COL11A1: variants seen among roughly 807,000 people sequenced by gnomAD.
The protein encoded by COL11A1 is collagen alpha-1(XI) chain.
In COL11A1, 74 loss-of-function variants were observed where a neutral mutation model predicts 265.2. The observed-to-expected ratio is 0.28, with a 90% CI of 0.23 to 0.34. The LOEUF is 0.34. Ranked by LOEUF, COL11A1 falls within the 10% of genes least tolerant of loss-of-function variation. COL11A1 has a pLI of 1.00. For missense variants in COL11A1, 2,165 were observed against 2,263.6 expected (o/e 0.96, Z 0.88); for synonymous variants, 816 against 727.6 (o/e 1.12, Z -1.96).
intron 42 of COL11A1, among the ~76,000 whole-genome samples, chr1:102,945,916 T>G (rs1298414760): frequency 6.6e-6 from 1 of 150,618 alleles, no homozygotes; most frequent in Non-Finnish European, 1.5e-5. Context: ...AGCAAAGACT[T>G]GGAACCAACC....
At chr1:103,000,813 G>C (rs1163446477) in intron 24 of COL11A1, among the ~76,000 whole-genome samples, 1 of 151,944 alleles carries the variant, frequency 6.6e-6, no homozygotes, top group Admixed American at 6.6e-5. Flanking sequence ...ATTCACTACA[G>C]CACCGGTATG....
At chr1:103,023,430 TC>T (rs1206778492) in intron 7 of COL11A1, among the ~76,000 whole-genome samples, 25 of 151,630 alleles carry the variant, frequency 1.6e-4, no homozygotes, top group African/African-American at 5.3e-4. Context: ...CAATCTTGGT[TC>T]ACAGCAACCT....
chr1:102,995,773 C>T, intron 28 of COL11A1, 91 bp downstream of exon 28: 1 of 1,056,218 alleles, frequency 9.5e-7, no homozygotes, highest in Admixed American at 1.7e-5. Flanking sequence ...AGTAATCACT[C>T]ATATATTCAA....
chr1:102,938,420 C>T (rs1031702252), intron 44 of COL11A1, among the ~76,000 whole-genome samples: 1 of 151,862 alleles, frequency 6.6e-6, no homozygotes, highest in Non-Finnish European at 1.5e-5. Context: ...AAAATAATGT[C>T]CACAGATATT....
intron 24 of COL11A1, 50 bp from the exon 25 acceptor site, chr1:102,998,413 C>T (rs1664829740): frequency 1.5e-6 from 2 of 1,369,580 alleles, no homozygotes; most frequent in South Asian, 1.4e-5. Flanking sequence ...TTTTAAAAAG[C>T]TTTAACGTGT....
intron 4 of COL11A1, among the ~76,000 whole-genome samples, chr1:103,039,398 C>T (rs140073942): frequency 3.3e-5 from 5 of 152,264 alleles, no homozygotes; most frequent in East Asian, 1.9e-4. Flanking sequence ...TTCCCAATAC[C>T]TCACATTGTG....
chr1:102,988,800 A>G (rs1375614274), intron 29 of COL11A1, among the ~76,000 whole-genome samples: 1 of 152,164 alleles, frequency 6.6e-6, no homozygotes, highest in Non-Finnish European at 1.5e-5. Flanking sequence ...TGTTTGGAAC[A>G]CAAGAAAAAT....
Position 103,007,611 on chromosome 1 carries a change from A to G in COL11A1, c.1683+852T>C, listed in dbSNP as rs557272777. Among the ~76,000 whole-genome samples, 10 of 152,258 alleles carry G rather than the reference A, an allele frequency of 6.6e-5. No individual in the cohort carries two copies. The South Asian group carries it at 1.9e-3, about 28-fold the overall frequency. On this transcript the variant is annotated intron_variant, in intron 15 of 66. Coordinates refer to ENST00000370096, the MANE Select transcript of COL11A1 (RefSeq NM_001854.4). ...GGTGAATCATTCCTATAATCCTAGC[A>G]CTTTCGGAGGCCCAGGAGGGCAGAT...
intron 1 of COL11A1, among the ~76,000 whole-genome samples, chr1:103,100,947 G>T (rs1674215468): frequency 6.6e-6 from 1 of 151,980 alleles, no homozygotes; most frequent in Non-Finnish European, 1.5e-5. Context: ...AAGTGCATAT[G>T]ACAGAACCTT....
At position 102,906,549 on chromosome 1, in the gene COL11A1, A is replaced by C. The variant is rs146493060; in HGVS notation, c.4086+5610T>G. On this transcript the variant is annotated intron_variant, in intron 54 of 66. Transcript: ENST00000370096. Reference sequence around the variant, plus strand: ...CAGCCTCCCAAGTAGCTGGGACTACAGGCATGTGCCACCACACCTGGGTAA... The same window carrying C: ...CAGCCTCCCAAGTAGCTGGGACTACCGGCATGTGCCACCACACCTGGGTAA... Among the ~76,000 whole-genome samples the C allele has an allele frequency of 4.4e-3, 666 of 152,200 alleles. 28 individuals are homozygous for C. The East Asian group carries it at 0.095, about 22-fold the overall frequency.
At chr1:102,938,903 G>A in intron 44 of COL11A1, 132 bp downstream of exon 44, 1 of 745,704 alleles carries the variant, frequency 1.3e-6, no homozygotes, top group Non-Finnish European at 2.4e-6. Context: ...TGATATAACT[G>A]CAGAGGTAAT....
chr1:102,961,798 A>G lies in COL11A1; in HGVS notation c.3168+68T>C, dbSNP rs968690823. ...CCACACACTGTGGAATCACAGCATG[A>G]GAGTAATGAAAGAAGAGCTGTAATT... On this transcript the variant is annotated intron_variant, in intron 41 of 66. Coordinates refer to ENST00000370096, the MANE Select transcript of COL11A1 (RefSeq NM_001854.4). 9 of 1,371,992 alleles carry G rather than the reference A, an allele frequency of 6.6e-6. No individual in the cohort carries two copies. The Admixed American group carries it at 1.4e-4, about 21-fold the overall frequency. 85.0% of individuals were successfully genotyped at this position (1,371,992 alleles called of 1,614,324 possible).
chr1:103,063,379 TGG>T (rs761415193), intron 4 of COL11A1, among the ~76,000 whole-genome samples: 2 of 152,062 alleles, frequency 1.3e-5, no homozygotes, highest in Non-Finnish European at 2.9e-5. Context: ...AGTAGATCAA[TGG>T]AATAGAATAA....
chr1:103,013,714 A>AT (rs936584691), intron 13 of COL11A1, among the ~76,000 whole-genome samples: 2 of 151,934 alleles, frequency 1.3e-5, no homozygotes, highest in Non-Finnish European at 2.9e-5. Flanking sequence ...ATGCATAAAA[A>AT]TTTTATCACA....
At chr1:102,991,361 C>T (rs1664108690) in intron 28 of COL11A1, among the ~76,000 whole-genome samples, 1 of 152,088 alleles carries the variant, frequency 6.6e-6, no homozygotes. Flanking sequence ...AAATACAAAA[C>T]TGGTCACATC....
At chr1:103,093,036 T>A (rs1332034779) in intron 1 of COL11A1, among the ~76,000 whole-genome samples, 1 of 152,076 alleles carries the variant, frequency 6.6e-6, no homozygotes, top group East Asian at 1.9e-4. Flanking sequence ...AATCCATCAC[T>A]GCATCTATGC....
chr1:103,003,071 G>C, intron 21 of COL11A1, 144 bp downstream of exon 21: 2 of 865,520 alleles, frequency 2.3e-6, no homozygotes, highest in Non-Finnish European at 3.8e-6. Flanking sequence ...GGAATGATGA[G>C]TTAAAGTGAA....
intron 4 of COL11A1, among the ~76,000 whole-genome samples, chr1:103,049,215 T>A (rs549472351): frequency 3.2e-4 from 48 of 152,288 alleles, no homozygotes; most frequent in African/African-American, 1.1e-3. Flanking sequence ...AGTCTCCCAT[T>A]ATTATTGTGT....
At chr1:103,050,360 A>G in intron 4 of COL11A1, among the ~76,000 whole-genome samples, 1 of 152,064 alleles carries the variant, frequency 6.6e-6, no homozygotes, top group East Asian at 1.9e-4. Flanking sequence ...TTCATCTTCC[A>G]TCACTGATAC....
Sources: allele counts gnomAD v4.1 joint callset (sites outside exome capture counted in the v4.1 genomes callset), GRCh38; gene constraint gnomAD v4.1.1; transcripts MANE v1.5; gene names NCBI Gene and HGNC (gene_info 2026-07-23, HGNC 2026-07-21).